The following NOL10 variants were observed in gnomAD, a reference collection of about 807,000 sequenced individuals.
NOL10 encodes nucleolar protein 10, also known as H_NH0074G24.1.
In NOL10, 58 loss-of-function variants were observed where a neutral mutation model predicts 103.5. The observed-to-expected ratio is 0.56, with a 90% confidence interval of 0.45 to 0.70. The LOEUF is 0.70. NOL10 is among the 30% of genes least tolerant of loss of function. The pLI is 0.00. For synonymous variants in NOL10, 287 were observed against 282.5 expected (o/e 1.02, Z -0.16); for missense variants, 763 against 807.3 (o/e 0.95, Z 0.67).
intron 3 of NOL10, among the ~76,000 whole-genome samples, chr2:10,679,858 C>G (rs1011697766): frequency 6.6e-6 from 1 of 152,102 alleles, no homozygotes; most frequent in African/African-American, 2.4e-5. Flanking sequence ...TGGCCTCATG[C>G]AATCTGACTG....
At chr2:10,601,568 C>T (rs1003945565) in intron 16 of NOL10, among the ~76,000 whole-genome samples, 1 of 151,766 alleles carries the variant, frequency 6.6e-6, no homozygotes, top group Non-Finnish European at 1.5e-5. Flanking sequence ...AATCCCAGCA[C>T]TTTGGGAAGC....
intron 13 of NOL10, among the ~76,000 whole-genome samples, chr2:10,639,316 G>A (rs1445789509): frequency 6.6e-6 from 1 of 152,170 alleles, no homozygotes; most frequent in Non-Finnish European, 1.5e-5. Context: ...CAGCTGCTGG[G>A]GAGGCTGAGA....
chr2:10,689,280 G>C (rs1405814064), intron 1 of NOL10, among the ~76,000 whole-genome samples: 1 of 152,192 alleles, frequency 6.6e-6, no homozygotes, highest in Non-Finnish European at 1.5e-5. Context: ...CCAACTTTAA[G>C]ACTAGGAATC....
intron 20 of NOL10, 91 bp from the exon 21 acceptor site, chr2:10,572,281 C>T: frequency 7.3e-7 from 1 of 1,375,664 alleles, no homozygotes; most frequent in Non-Finnish European, 1.0e-6. Flanking sequence ...GTACCACCAC[C>T]AATCTCAGAA....
intron 13 of NOL10, among the ~76,000 whole-genome samples, chr2:10,612,676 G>A (rs1039630609): frequency 6.6e-6 from 1 of 151,874 alleles, no homozygotes; most frequent in Non-Finnish European, 1.5e-5. Flanking sequence ...CTAAATTTTT[G>A]TATTTTTAGT....
Position 10,618,812 on chromosome 2 carries a change from G to A in NOL10, c.1027-11501C>T, listed in dbSNP as rs141598821. Among the ~76,000 whole-genome samples, 29 of 152,240 alleles carry A rather than the reference G, an allele frequency of 1.9e-4. No homozygotes were observed. In the East Asian group the frequency reaches 5.6e-3, roughly 29 times the overall value. On this transcript the variant is annotated intron_variant, in intron 13 of 20. Coordinates refer to ENST00000381685, the MANE Select transcript of NOL10 (RefSeq NM_024894.4). ...AGTTCTTTTCAAAGGGAGGTGACAG[G>A]AAACTACTTTTTAGCAAACTTATCT... is the stretch of plus-strand genomic sequence containing the variant.
intron 13 of NOL10, among the ~76,000 whole-genome samples, chr2:10,640,754 G>T (rs145665425): frequency 6.6e-6 from 1 of 152,088 alleles, no homozygotes; most frequent in Non-Finnish European, 1.5e-5. Context: ...TAAACAATGG[G>T]TCTCTTACAG....
intron 13 of NOL10, among the ~76,000 whole-genome samples, chr2:10,637,526 C>G (rs1013434456): frequency 1.3e-5 from 2 of 152,160 alleles, no homozygotes; most frequent in African/African-American, 4.8e-5. Context: ...AGCGTTGAAC[C>G]CTGTGATGGC....
chr2:10,578,128 C>A (rs773250220), intron 19 of NOL10, among the ~76,000 whole-genome samples: 2 of 152,184 alleles, frequency 1.3e-5, no homozygotes, highest in Non-Finnish European at 2.9e-5. Context: ...TATATTTAAA[C>A]AATACACAAA....
At chr2:10,667,782 C>T (rs558719475) in intron 7 of NOL10, among the ~76,000 whole-genome samples, 353 of 151,624 alleles carry the variant, frequency 2.3e-3, no homozygotes, top group African/African-American at 8.3e-3. Flanking sequence ...ATCTGGGGTA[C>T]AGAGGACACT....
intron 13 of NOL10, among the ~76,000 whole-genome samples, chr2:10,637,188 C>CAAAAAAAAAAAAAAA (rs61693251): frequency 1.1e-4 from 5 of 44,532 alleles, no homozygotes; most frequent in Non-Finnish European, 1.6e-4. Flanking sequence ...GACACTGTCT[C>CAAAAAAAAAAAAAAA]AAAAAAAAAA....
intron 13 of NOL10, chr2:10,634,464 G>A: frequency 2.2e-6 from 1 of 456,264 alleles, no homozygotes; most frequent in Non-Finnish European, 4.4e-6. Flanking sequence ...CAGAAGTTCT[G>A]ATGTAGACAC....
intron 7 of NOL10, among the ~76,000 whole-genome samples, chr2:10,667,623 T>C (rs549761379): frequency 6.6e-6 from 1 of 152,344 alleles, no homozygotes; most frequent in African/African-American, 2.4e-5. Flanking sequence ...GAACACACGC[T>C]ATCACCATGA....
chr2:10,602,724 T>C (rs868127318), intron 16 of NOL10, 52 bp downstream of exon 16: 5 of 1,111,440 alleles, frequency 4.5e-6, no homozygotes, highest in Middle Eastern at 5.9e-4. Flanking sequence ...ATACACAAAA[T>C]GGAAATTAAG....
At position 10,689,900 on chromosome 2, in the gene NOL10, C is replaced by A. The variant is rs765179627; in HGVS notation, c.-39G>T. On this transcript the variant is annotated 5_prime_UTR_variant, in exon 1 of 21. Coordinates refer to ENST00000381685, the MANE Select transcript of NOL10 (RefSeq NM_024894.4). Reference sequence around the variant, plus strand: ...ACTGTTCAAGTCCCGGGTCCTTTCCCACCAGCGTGCTCGAGCACCGTAATC... The same window carrying A: ...ACTGTTCAAGTCCCGGGTCCTTTCCAACCAGCGTGCTCGAGCACCGTAATC... The A allele has an allele frequency of 6.4e-7, 1 of 1,572,432 alleles. No homozygotes were observed. The highest frequency in any genetic ancestry group is 8.6e-7 in the Non-Finnish European group (1 of 1,157,032).
chr2:10,664,538 A>G (rs962017992), intron 8 of NOL10, among the ~76,000 whole-genome samples: 4 of 152,184 alleles, frequency 2.6e-5, no homozygotes, highest in Non-Finnish European at 1.5e-5. Flanking sequence ...TTTTTAAATG[A>G]GGGGTCGTTG....
intron 2 of NOL10, among the ~76,000 whole-genome samples, chr2:10,684,061 C>G (rs1327137886): frequency 1.3e-5 from 2 of 151,466 alleles, no homozygotes; most frequent in African/African-American, 4.9e-5. Context: ...GGTGGATCAC[C>G]TGAGGTCGCA....
At chr2:10,674,550 A>G (rs983198951) in intron 4 of NOL10, among the ~76,000 whole-genome samples, 7 of 152,196 alleles carry the variant, frequency 4.6e-5, no homozygotes, top group African/African-American at 1.7e-4. Flanking sequence ...CTTTAAAAGC[A>G]GAGTTTCAGC....
chr2:10,572,095 G>T lies in NOL10; in HGVS notation c.2043C>A (p.His681Gln), dbSNP rs1674207180. 1.9e-6 allele frequency: 3 copies of T among 1,613,904 alleles called. No individual in the cohort carries two copies. The East Asian group carries it at 6.7e-5, about 36-fold the overall frequency. Residue 681 changes from histidine (H) to glutamine (Q), a missense_variant, in exon 21 of 21, where the codon CAC becomes CAA. Physicochemically the swap from His to Gln is conservative, Grantham distance 24. Coordinates refer to ENST00000381685, the MANE Select transcript of NOL10 (RefSeq NM_024894.4). ...RRSAGHLKSR[H>Q]KRGRSFH is the part of the protein sequence containing the mutation. ...ATCAATGAAACGACCGTCCTCTTTT[G>T]TGTCTTGACTTCAGGTGTCCGGCCG...
Sources: gnomAD v4.1 joint callset for allele counts (sites outside exome capture counted in the v4.1 genomes callset) on GRCh38, gnomAD v4.1.1 for gene constraint, MANE v1.5 for transcripts, NCBI Gene and HGNC (gene_info 2026-07-23, HGNC 2026-07-21) for gene names.